Variants in ADCY10 observed in about 807,000 individuals in gnomAD.
The protein encoded by ADCY10 is adenylate cyclase 10, also known as adenylate cyclase type 10.
A neutral mutation model predicts 183.3 loss-of-function variants in ADCY10; 156 were observed. The observed-to-expected ratio is 0.85, with a 90% CI of 0.75 to 0.97. The LOEUF (loss-of-function observed/expected upper bound fraction) is 0.97. ADCY10 is among the 50% of genes least tolerant of loss of function. The pLI, the probability that ADCY10 is intolerant of heterozygous loss-of-function variation, is 0.00. For synonymous variants in ADCY10, 645 were observed against 670.0 expected, an observed-to-expected ratio of 0.96 and a Z score of 0.58; for missense variants, 1,745 against 1,934.3, an observed-to-expected ratio of 0.90 and a Z score of 1.84.
Position 167,883,627 on chromosome 1 carries a change from A to C in ADCY10, c.830T>G (p.Ile277Ser), listed in dbSNP as rs370700331. 1 of 1,614,044 alleles carries C rather than the reference A, an allele frequency of 6.2e-7. No individual in the cohort carries two copies. Among genetic ancestry groups the C allele is most frequent in the African/African-American group, 1.3e-5 (1 of 74,934 alleles). Residue 277 changes from isoleucine to serine, a missense_variant and splice_region_variant, in exon 9 of 33, where the codon ATT (isoleucine) becomes AGT (serine). Transcript: ENST00000367851. ...ATAGCCCTGAAGCTGTTTGTTATCAATCTGCAAAGTAGAGAGCAGCTTTCT... is the reference window on the plus strand; with the variant it reads ...ATAGCCCTGAAGCTGTTTGTTATCACTCTGCAAAGTAGAGAGCAGCTTTCT... ...KYVMESILKQ[I>S]DNKQLQGYLS...
At chr1:167,836,989 C>T in intron 22 of ADCY10, 1 of 444,098 alleles carries the variant, frequency 2.3e-6, no homozygotes, top group South Asian at 2.3e-5. Context: ...TGTGGCATTG[C>T]ACTCCAGCCT....
intron 15 of ADCY10, 60 bp downstream of exon 15, chr1:167,860,811 A>T (rs1173038042): frequency 1.4e-6 from 2 of 1,386,982 alleles, no homozygotes; most frequent in Non-Finnish European, 2.1e-6. Flanking sequence ...AATGCACCAG[A>T]GAGGAGTTGC....
chr1:167,843,509 T>C (rs888604915), intron 21 of ADCY10, among the ~76,000 whole-genome samples: 6 of 151,902 alleles, frequency 3.9e-5, no homozygotes, highest in African/African-American at 1.5e-4. Context: ...CACTAAAGCT[T>C]CCTTAATTCA....
At chr1:167,883,678 TC>T in intron 8 of ADCY10, 50 bp from the exon 9 acceptor site, 1 of 1,576,958 alleles carries the variant, frequency 6.3e-7, no homozygotes, top group Non-Finnish European at 8.7e-7. Flanking sequence ...AGTGGATCCC[TC>T]CCCCAACACC....
chr1:167,870,153 G>C, intron 14 of ADCY10, 104 bp downstream of exon 14: 1 of 1,247,980 alleles, frequency 8.0e-7, no homozygotes, highest in Non-Finnish European at 1.2e-6. Context: ...AATAATTGTA[G>C]GTTATAGATA....
chr1:167,846,705 T>A (rs1449868867), intron 19 of ADCY10, among the ~76,000 whole-genome samples: 2 of 152,196 alleles, frequency 1.3e-5, no homozygotes, highest in Admixed American at 1.3e-4. Flanking sequence ...TCTCTCTATC[T>A]GCCCTAGAAA....
At chr1:167,888,421 G>A (rs1194866780) in intron 8 of ADCY10, among the ~76,000 whole-genome samples, 2 of 147,410 alleles carry the variant, frequency 1.4e-5, no homozygotes, top group Admixed American at 1.4e-4. Context: ...TTTTTTTTTT[G>A]TGGCCTCTTC....
Position 167,845,597 on chromosome 1 carries a change from G to A in ADCY10, c.2973C>T (p.Ala991=), listed in dbSNP as rs777571047. The change falls in exon 21 of 33, where the codon GCC becomes GCT. Residue 991 remains alanine, a synonymous_variant. Transcript: ENST00000367851. ...NIRLNALDMD[A]IKKMAMSHGF... The stretch of plus-strand genomic sequence containing the variant: ...CATGAGACATAGCCATCTTTTTAAT[G>A]GCATCCATGTCTAAAGCGTTGAGCC... The A allele has an allele frequency of 2.5e-6, 4 of 1,614,208 alleles. No homozygotes were observed. Among genetic ancestry groups the A allele is most frequent in the Middle Eastern group, 1.6e-4 (1 of 6,062 alleles).
Position 167,878,688 on chromosome 1 carries a change from G to C in ADCY10, c.1217-53C>G, listed in dbSNP as rs571280098. The C allele has an allele frequency of 5.0e-5, 78 of 1,547,622 alleles. No homozygotes were observed. In the South Asian group the frequency reaches 8.2e-4, roughly 16 times the overall value. On this transcript the variant is annotated intron_variant, in intron 11 of 32. Transcript: ENST00000367851. ...TCAGGGAAATAACAGGCATTGAACT[G>C]AATGTAATCTGAAACATTGTCCCCA...
intron 1 of ADCY10, among the ~76,000 whole-genome samples, chr1:167,910,246 T>C (rs1197276580): frequency 1.3e-5 from 2 of 152,200 alleles, no homozygotes; most frequent in East Asian, 1.9e-4. Context: ...CCTTTTCATA[T>C]GTTAACTAGC....
intron 31 of ADCY10, among the ~76,000 whole-genome samples, chr1:167,816,029 T>G (rs1044930156): frequency 6.6e-6 from 1 of 151,214 alleles, no homozygotes; most frequent in Non-Finnish European, 1.5e-5. Context: ...GATTGTGGGA[T>G]AAGTACAAAA....
At chr1:167,822,714 T>C (rs533797159) in intron 29 of ADCY10, among the ~76,000 whole-genome samples, 2 of 152,330 alleles carry the variant, frequency 1.3e-5, no homozygotes, top group African/African-American at 4.8e-5. Context: ...AAAAGGCACA[T>C]AGTAAGACAG....
intron 21 of ADCY10, 173 bp downstream of exon 21, chr1:167,845,390 A>T (rs1664929834): frequency 2.9e-6 from 2 of 678,344 alleles, no homozygotes; most frequent in African/African-American, 3.6e-5. Context: ...ATACAGGTAC[A>T]TTCCCTTACT....
intron 8 of ADCY10, 94 bp downstream of exon 8, chr1:167,893,759 T>C: frequency 1.4e-6 from 1 of 715,810 alleles, no homozygotes; most frequent in Non-Finnish European, 2.4e-6. Context: ...TACTATTTAC[T>C]AGTAGCTGCT....
Position 167,824,664 on chromosome 1 carries a change from C to G in ADCY10, c.3942G>C (p.Leu1314Phe), listed in dbSNP as rs766596022. 8.1e-6 allele frequency: 13 copies of G among 1,614,064 alleles called. No homozygotes were observed. In the South Asian group the frequency reaches 1.3e-4, roughly 16 times the overall value. The change falls in exon 27 of 33, where the codon TTG becomes TTC. Residue 1314 changes from leucine to phenylalanine, a missense_variant. Leu to Phe is a conservative substitution (Grantham distance 22). Coordinates refer to ENST00000367851, the MANE Select transcript of ADCY10 (RefSeq NM_018417.6). ...FNKLIMGHLD[L>F]AIELGSRALQ... ...GCCAGCCCTTACCTAACTCAATGGC[C>G]AAATCCAGGTGTCCCATTATGAGCT...
intron 24 of ADCY10, 78 bp downstream of exon 24, chr1:167,833,892 G>T: frequency 8.9e-7 from 1 of 1,128,960 alleles, no homozygotes; most frequent in Non-Finnish European, 1.3e-6. Flanking sequence ...GGTGTAGAAA[G>T]TATAGGGATG....
chr1:167,818,432 T>C, intron 30 of ADCY10, 165 bp from the exon 31 acceptor site: 1 of 763,154 alleles, frequency 1.3e-6, no homozygotes, highest in Non-Finnish European at 2.4e-6. Flanking sequence ...CAGGAAATTA[T>C]GTGATACAGA....
intron 30 of ADCY10, among the ~76,000 whole-genome samples, chr1:167,821,556 G>T (rs1662912076): frequency 6.6e-6 from 1 of 152,216 alleles, no homozygotes; most frequent in Non-Finnish European, 1.5e-5. Flanking sequence ...TTCCAGAACT[G>T]CCTGCTGCTG....
At chr1:167,829,162 C>T in intron 26 of ADCY10, 105 bp downstream of exon 26, 1 of 1,376,480 alleles carries the variant, frequency 7.3e-7, no homozygotes, top group Admixed American at 1.7e-5. Flanking sequence ...AGAAAGCCTT[C>T]TATTATTATA....
Sources: allele counts gnomAD v4.1 joint callset (sites outside exome capture counted in the v4.1 genomes callset), GRCh38; gene constraint gnomAD v4.1.1; transcripts MANE v1.5; gene names NCBI Gene and HGNC (gene_info 2026-07-23, HGNC 2026-07-21).